Variants in CNTNAP2 observed in about 807,000 individuals in gnomAD.
CNTNAP2 encodes the protein contactin-associated protein-like 2.
In CNTNAP2, 98 loss-of-function variants were observed where a neutral mutation model predicts 155.2. The observed-to-expected ratio is 0.63, with a 90% confidence interval of 0.54 to 0.75. The LOEUF (loss-of-function observed/expected upper bound fraction) is 0.75, where lower values mean the gene tolerates loss of function less well. CNTNAP2 is among the 30% of genes least tolerant of loss of function. The pLI, the probability that CNTNAP2 is intolerant of heterozygous loss-of-function variation, is 0.00. For missense variants in CNTNAP2, 1,727 were observed against 1,688.1 expected (o/e 1.02, Z -0.40); for synonymous variants, 651 against 631.2 (o/e 1.03, Z -0.47).
At chr7:147,881,130 T>C (rs80279637) in intron 13 of CNTNAP2, among the ~76,000 whole-genome samples, 2,495 of 152,228 alleles carry the variant, frequency 0.016, 35 homozygotes, top group Non-Finnish European at 0.027. Context: ...TCCATGAATT[T>C]AAAAATGAGA....
At chr7:148,221,880 C>T (rs892508390) in intron 19 of CNTNAP2, among the ~76,000 whole-genome samples, 2 of 152,226 alleles carry the variant, frequency 1.3e-5, no homozygotes, top group African/African-American at 4.8e-5. Flanking sequence ...CCTTTTCCTC[C>T]CCACCACTAC....
chr7:146,806,422 G>T (rs377196792), intron 2 of CNTNAP2, among the ~76,000 whole-genome samples: 1 of 151,976 alleles, frequency 6.6e-6, no homozygotes, highest in East Asian at 1.9e-4. Flanking sequence ...CTTGAACCCA[G>T]GAGGCGGGGG....
At chr7:148,130,112 C>T (rs115522941) in intron 16 of CNTNAP2, among the ~76,000 whole-genome samples, 1 of 152,204 alleles carries the variant, frequency 6.6e-6, no homozygotes, top group African/African-American at 2.4e-5. Context: ...CTCAAAAGCC[C>T]CCTTCTGTGC....
intron 12 of CNTNAP2, among the ~76,000 whole-genome samples, chr7:147,586,569 G>GGGAA (rs1260096731): frequency 8.0e-4 from 98 of 122,382 alleles, no homozygotes; most frequent in Admixed American, 1.6e-3. Context: ...GAGGGAGGGA[G>GGGAA]GGAGGGAGGG....
chr7:147,538,327 T>C (rs569537325), intron 11 of CNTNAP2, among the ~76,000 whole-genome samples: 1 of 152,280 alleles, frequency 6.6e-6, no homozygotes, highest in Non-Finnish European at 1.5e-5. Flanking sequence ...ATAGTAGCCC[T>C]GTTAAACAAT....
intron 15 of CNTNAP2, among the ~76,000 whole-genome samples, chr7:148,024,774 G>C (rs989156104): frequency 1.3e-5 from 2 of 152,094 alleles, no homozygotes; most frequent in Non-Finnish European, 2.9e-5. Flanking sequence ...ATCCATCAAA[G>C]TACAGGAAGT....
At chr7:147,813,933 G>T (rs1223156910) in intron 13 of CNTNAP2, among the ~76,000 whole-genome samples, 2 of 152,020 alleles carry the variant, frequency 1.3e-5, no homozygotes, top group Non-Finnish European at 2.9e-5. Context: ...CAATATGATG[G>T]TGCACTGCCT....
intron 21 of CNTNAP2, among the ~76,000 whole-genome samples, chr7:148,354,203 T>G (rs1367262607): frequency 1.4e-5 from 2 of 145,490 alleles, no homozygotes; most frequent in African/African-American, 5.2e-5. Context: ...TTTTTTTTTT[T>G]TTGTAAACCA....
intron 1 of CNTNAP2, among the ~76,000 whole-genome samples, chr7:146,611,929 TTTG>T: frequency 6.6e-6 from 1 of 152,266 alleles, no homozygotes; most frequent in South Asian, 2.1e-4. Flanking sequence ...ATTGAAAGGA[TTTG>T]TTCAAACTTC....
At chr7:148,117,926 A>G (rs1008072419) in intron 15 of CNTNAP2, among the ~76,000 whole-genome samples, 192 bp from the exon 16 acceptor site, 1 of 151,730 alleles carries the variant, frequency 6.6e-6, no homozygotes, top group Non-Finnish European at 1.5e-5. Flanking sequence ...TGAATATTAT[A>G]TAGACACACA....
chr7:146,363,622 G>A (rs191131903), intron 1 of CNTNAP2, among the ~76,000 whole-genome samples: 1 of 152,284 alleles, frequency 6.6e-6, no homozygotes, highest in East Asian at 1.9e-4. Context: ...GACAAAATCA[G>A]AGGTCAATGC....
chr7:146,641,501 G>A (rs1464513316), intron 1 of CNTNAP2, among the ~76,000 whole-genome samples: 2 of 152,068 alleles, frequency 1.3e-5, no homozygotes, highest in Non-Finnish European at 2.9e-5. Context: ...TTCTGTTTCA[G>A]TTCTTTTTCC....
intron 3 of CNTNAP2, among the ~76,000 whole-genome samples, chr7:147,023,959 C>T (rs1441935296): frequency 6.6e-6 from 1 of 152,158 alleles, no homozygotes; most frequent in Non-Finnish European, 1.5e-5. Context: ...CTTTATTTCC[C>T]GAATCTCCTA....
chr7:146,479,558 G>GA (rs1359705639), intron 1 of CNTNAP2, among the ~76,000 whole-genome samples: 3 of 151,492 alleles, frequency 2.0e-5, no homozygotes, highest in Non-Finnish European at 2.9e-5. Flanking sequence ...AGCATAAAAA[G>GA]AAAAAAGAAC....
At chr7:146,741,598 A>C (rs547977508) in intron 1 of CNTNAP2, among the ~76,000 whole-genome samples, 1 of 152,338 alleles carries the variant, frequency 6.6e-6, no homozygotes, top group Admixed American at 6.5e-5. Flanking sequence ...GACAAAGGAT[A>C]TGAATTTATG....
chr7:147,067,156 T>C (rs1799796131), intron 4 of CNTNAP2, among the ~76,000 whole-genome samples: 1 of 152,086 alleles, frequency 6.6e-6, no homozygotes, highest in African/African-American at 2.4e-5. Flanking sequence ...CCGGGCATGG[T>C]GGCACACACC....
intron 1 of CNTNAP2, among the ~76,000 whole-genome samples, chr7:146,680,002 C>T (rs1359621725): frequency 6.6e-6 from 1 of 152,038 alleles, no homozygotes; most frequent in African/African-American, 2.4e-5. Flanking sequence ...TTTATATTTT[C>T]ATTTAAAAAT....
intron 11 of CNTNAP2, among the ~76,000 whole-genome samples, chr7:147,537,556 A>G (rs1799566620): frequency 6.6e-6 from 1 of 150,614 alleles, no homozygotes; most frequent in African/African-American, 2.4e-5. Flanking sequence ...CATCTCTGTC[A>G]TTTTTTCTTA....
intron 1 of CNTNAP2, among the ~76,000 whole-genome samples, chr7:146,490,838 G>A (rs963069427): frequency 1.3e-5 from 2 of 152,094 alleles, no homozygotes; most frequent in African/African-American, 4.8e-5. Context: ...TGAGCAATAA[G>A]ATTCTATATC....
Sources: gnomAD v4.1 joint callset for allele counts (sites outside exome capture counted in the v4.1 genomes callset) on GRCh38, gnomAD v4.1.1 for gene constraint, MANE v1.5 for transcripts, NCBI Gene and HGNC (gene_info 2026-07-23, HGNC 2026-07-21) for gene names.